TENM1: variants seen among roughly 807,000 people sequenced by gnomAD.
TENM1 encodes the protein teneurin transmembrane protein 1.
Under a neutral mutation model 174.8 loss-of-function variants are expected in TENM1, and 35 were observed. That is an observed-to-expected ratio of 0.20 (90% CI 0.15 to 0.27). The LOEUF is 0.27. Ranked by LOEUF, TENM1 falls within the 10% of genes least tolerant of loss-of-function variation. The pLI, the probability that TENM1 is intolerant of heterozygous loss-of-function variation, is 1.00. For missense variants in TENM1, 1,633 were observed against 2,130.1 expected (o/e 0.77, Z 4.59); for synonymous variants, 781 against 798.7 (o/e 0.98, Z 0.37).
At chrX:124,784,869 C>A (rs1279861111) in intron 3 of TENM1, among the ~76,000 whole-genome samples, 1 of 111,011 alleles carries the variant, frequency 9.0e-6, no homozygotes, top group African/African-American at 3.3e-5. Context: ...TCCAGTCCCT[C>A]AATTAGGCCT....
At chrX:124,895,050 AG>A (rs1365433567) in intron 2 of TENM1, among the ~76,000 whole-genome samples, 1 of 111,841 alleles carries the variant, frequency 8.9e-6, no homozygotes, top group African/African-American at 3.2e-5. Flanking sequence ...TCTAACTAGT[AG>A]GCAACCTCTA....
chrX:124,885,040 C>T (rs1020522112), intron 3 of TENM1, among the ~76,000 whole-genome samples: 35 of 111,154 alleles, frequency 3.1e-4, no homozygotes, highest in Non-Finnish European at 5.9e-4. Context: ...ATTTATGCAT[C>T]TAAATATATC....
chrX:124,629,523 A>C (rs904654506), intron 11 of TENM1, among the ~76,000 whole-genome samples: 1 of 112,482 alleles, frequency 8.9e-6, no homozygotes, highest in African/African-American at 3.2e-5. Flanking sequence ...AATAGCTACA[A>C]TCTATCATTA....
chrX:124,766,660 C>T (rs909304721), intron 3 of TENM1, among the ~76,000 whole-genome samples: 3 of 110,823 alleles, frequency 2.7e-5, no homozygotes, highest in Non-Finnish European at 3.8e-5. Flanking sequence ...GTTTATGTGC[C>T]GGTAATTTCA....
chrX:124,963,889 C>A, upstream of TENM1: 2 of 514,502 alleles, frequency 3.9e-6, no homozygotes, highest in East Asian at 3.4e-5. Flanking sequence ...CTGGCAGATT[C>A]ACAATTGGTC....
exon 10 of TENM1, chrX:124,645,148 T>C (rs1344153423): frequency 1.7e-6 from 2 of 1,209,637 alleles, no homozygotes; most frequent in Middle Eastern, 4.6e-4. Flanking sequence ...CTGACCTTCC[T>C]CGCATATTTC....
At chrX:124,759,568 T>A (rs2054356907) in intron 3 of TENM1, among the ~76,000 whole-genome samples, 1 of 111,611 alleles carries the variant, frequency 9.0e-6, no homozygotes, top group African/African-American at 3.3e-5. Flanking sequence ...GAATATACGA[T>A]GTTTGGTTTT....
At chrX:124,957,967 A>C in intron 1 of TENM1, among the ~76,000 whole-genome samples, 1 of 111,808 alleles carries the variant, frequency 8.9e-6, no homozygotes, top group Non-Finnish European at 1.9e-5. Flanking sequence ...ATCTCCATGC[A>C]TTTATATTTT....
At position 124,820,610 on chromosome X, in the gene TENM1, T is replaced by G. The variant is rs184315284; in HGVS notation, c.535+73686A>C. Among the ~76,000 whole-genome samples the G allele has an allele frequency of 3.3e-4, 37 of 112,493 alleles. No individual in the cohort carries two copies. The East Asian group carries it at 7.3e-3, about 22-fold the overall frequency. ...AACTCCTCACACTTGTACTGTTTAG[T>G]CTCAGTACTCTGCATTCTCTCAATG... On this transcript the variant is annotated intron_variant, in intron 3 of 31. Coordinates refer to ENST00000422452, the Ensembl canonical transcript of TENM1.
the TENM1 span, among the ~76,000 whole-genome samples, chrX:124,970,566 T>C: frequency 1.8e-5 from 2 of 112,536 alleles, no homozygotes; most frequent in African/African-American, 6.5e-5. Context: ...TTTCTTTGTT[T>C]TTCTAAGAAA....
chrX:124,833,645 A>G (rs779199991), intron 3 of TENM1, among the ~76,000 whole-genome samples: 7 of 111,548 alleles, frequency 6.3e-5, no homozygotes, highest in Non-Finnish European at 1.1e-4. Flanking sequence ...CCAAATATAA[A>G]TAAGTACACA....
At chrX:124,804,930 C>CA (rs1042548177) in intron 3 of TENM1, among the ~76,000 whole-genome samples, 8 of 109,813 alleles carry the variant, frequency 7.3e-5, no homozygotes, top group African/African-American at 9.9e-5. Context: ...ATTAAAAATA[C>CA]AAAAAAAAAT....
the TENM1 span, among the ~76,000 whole-genome samples, chrX:125,063,347 G>A: frequency 9.0e-6 from 1 of 111,601 alleles, no homozygotes; most frequent in Non-Finnish European, 1.9e-5. Context: ...CTACTTTGAG[G>A]CACTTAGAAA....
chrX:125,062,138 T>C, the TENM1 span, among the ~76,000 whole-genome samples: 1 of 112,029 alleles, frequency 8.9e-6, no homozygotes, highest in South Asian at 3.7e-4. Flanking sequence ...TTATCTCAAA[T>C]GATTGTTTAA....
At chrX:125,095,684 T>C in the TENM1 span, among the ~76,000 whole-genome samples, 2 of 111,559 alleles carry the variant, frequency 1.8e-5, no homozygotes, top group Non-Finnish European at 3.8e-5. Flanking sequence ...ACCGAAACCA[T>C]ACAAACTAAA....
chrX:125,064,960 C>T, the TENM1 span, among the ~76,000 whole-genome samples: 2 of 111,912 alleles, frequency 1.8e-5, no homozygotes, highest in African/African-American at 3.2e-5. Flanking sequence ...ATTTTCCACT[C>T]GATGGGTACC....
chrX:124,558,831 G>A (rs1179898491), intron 14 of TENM1, among the ~76,000 whole-genome samples: 6 of 110,601 alleles, frequency 5.4e-5, no homozygotes, highest in Non-Finnish European at 9.5e-5. Flanking sequence ...CTTTCCCCCC[G>A]TTCCCTAAAG....
chrX:124,563,534 T>C (rs1041132102), intron 13 of TENM1, among the ~76,000 whole-genome samples: 6 of 110,020 alleles, frequency 5.5e-5, no homozygotes, highest in Non-Finnish European at 1.1e-4. Flanking sequence ...GTCCATTCTA[T>C]ACTACGGGAA....
intron 23 of TENM1, among the ~76,000 whole-genome samples, chrX:124,425,294 G>A (rs1205157600): frequency 8.9e-6 from 1 of 111,936 alleles, no homozygotes; most frequent in African/African-American, 3.3e-5. Context: ...CATAATGGCT[G>A]TACTAATTTA....
Sources: allele counts gnomAD v4.1 joint callset (sites outside exome capture counted in the v4.1 genomes callset), GRCh38; gene constraint gnomAD v4.1.1; transcripts MANE v1.5; gene names NCBI Gene and HGNC (gene_info 2026-07-23, HGNC 2026-07-21).